FGF7: variants seen among roughly 807,000 people sequenced by gnomAD.
FGF7 encodes fibroblast growth factor 7, also known as FGF-7.
FGF7 carries 6 observed loss-of-function variants against 20.5 expected under a neutral mutation model. That is an observed-to-expected ratio of 0.29 (90% confidence interval 0.16 to 0.58). The LOEUF is 0.58. Ranked by LOEUF, FGF7 falls within the 20% of genes least tolerant of loss-of-function variation. The pLI, the probability that FGF7 is intolerant of heterozygous loss-of-function variation, is 0.90. For synonymous variants in FGF7, 64 were observed against 74.7 expected (o/e 0.86, Z 0.74); for missense variants, 144 against 228.8 (o/e 0.63, Z 2.39).
intron 2 of FGF7, among the ~76,000 whole-genome samples, chr15:49,468,697 T>C (rs369819150): frequency 1.2e-4 from 18 of 152,242 alleles, no homozygotes; most frequent in East Asian, 5.8e-4. Flanking sequence ...AATAAAGAAA[T>C]GTGGAGAAAG....
chr15:49,453,270 A>C (rs1178730424), intron 2 of FGF7, among the ~76,000 whole-genome samples: 1 of 151,976 alleles, frequency 6.6e-6, no homozygotes, highest in African/African-American at 2.4e-5. Flanking sequence ...TATTTTCATT[A>C]TTATTATTTT....
In FGF7 at chr15:49,464,934, T is replaced by C. The variant is rs1229313517; in HGVS notation, c.287-18217T>C. ...TACCTAAAAAACATTTTGGCTATCA[T>C]CTAGAATAATAAATGTTTATTAAGG... On this transcript the variant is annotated intron_variant, in intron 2 of 3. Coordinates refer to ENST00000267843, the MANE Select transcript of FGF7 (RefSeq NM_002009.4). 5.3e-5 allele frequency among the ~76,000 whole-genome samples: 8 copies of C among 152,292 alleles called. No homozygotes were observed. The East Asian group carries it at 1.5e-3, about 29-fold the overall frequency.
At chr15:49,455,946 A>G (rs1369155047) in intron 2 of FGF7, among the ~76,000 whole-genome samples, 1 of 152,062 alleles carries the variant, frequency 6.6e-6, no homozygotes, top group African/African-American at 2.4e-5. Context: ...AATGGGAACT[A>G]TGTTGTTTAG....
intron 2 of FGF7, among the ~76,000 whole-genome samples, chr15:49,479,606 T>G (rs1375701530): frequency 2.6e-5 from 2 of 77,126 alleles, no homozygotes; most frequent in Admixed American, 1.6e-4. Flanking sequence ...TCTGTTTTTT[T>G]TTTTTTTTTT....
chr15:49,483,885 A>T (rs1234676784), intron 3 of FGF7, among the ~76,000 whole-genome samples: 2 of 152,062 alleles, frequency 1.3e-5, no homozygotes, highest in African/African-American at 4.8e-5. Flanking sequence ...ATTGAAGACA[A>T]TGTAGAAGTA....
chr15:49,454,083 T>C (rs1024081558), intron 2 of FGF7, among the ~76,000 whole-genome samples: 4 of 152,148 alleles, frequency 2.6e-5, no homozygotes, highest in Non-Finnish European at 4.4e-5. Flanking sequence ...CAGACAGGCG[T>C]AGGTTTGAAA....
chr15:49,466,764 G>A (rs551495911), intron 2 of FGF7, among the ~76,000 whole-genome samples: 1 of 152,102 alleles, frequency 6.6e-6, no homozygotes, highest in South Asian at 2.1e-4. Context: ...AATTGTTTCT[G>A]GTAAGAGCTT....
At chr15:49,452,887 A>C (rs1460571587) in intron 2 of FGF7, among the ~76,000 whole-genome samples, 1 of 152,174 alleles carries the variant, frequency 6.6e-6, no homozygotes, top group East Asian at 1.9e-4. Flanking sequence ...AAGATGATAA[A>C]ACTAAATTTC....
rs182081937 is a variant in FGF7 at position 49,443,806 on chromosome 15, C to G, written c.286+19223C>G. 3.2e-3 allele frequency among the ~76,000 whole-genome samples: 486 copies of G among 151,788 alleles called. 2 individuals carry two copies. The highest frequency in any genetic ancestry group is 5.4e-3 in the Admixed American group (82 of 15,196). On this transcript the variant is annotated intron_variant, in intron 2 of 3. Coordinates refer to ENST00000267843, the MANE Select transcript of FGF7 (RefSeq NM_002009.4). ...CAGAGAAAAACAGAAATAGTGAAAG[C>G]ATTTTGTGAGTATTATATTTTATTA...
At chr15:49,460,645 A>G (rs1597345650) in intron 2 of FGF7, among the ~76,000 whole-genome samples, 1 of 152,202 alleles carries the variant, frequency 6.6e-6, no homozygotes, top group East Asian at 1.9e-4. Flanking sequence ...TTTAACCCAC[A>G]CACATTGTAT....
intron 2 of FGF7, among the ~76,000 whole-genome samples, chr15:49,459,968 A>G (rs2053646635): frequency 6.6e-6 from 1 of 152,158 alleles, no homozygotes; most frequent in Admixed American, 6.6e-5. Flanking sequence ...AAATATTTTT[A>G]TCCACCCACA....
In FGF7 at chr15:49,476,237, T is replaced by G. The variant is rs536269896; in HGVS notation, c.287-6914T>G. On this transcript the variant is annotated intron_variant, in intron 2 of 3. Coordinates refer to ENST00000267843, the MANE Select transcript of FGF7 (RefSeq NM_002009.4). Reference sequence around the variant, plus strand: ...GTTTTGTTTTTTTGTTTTTGGTTTTTTTTTTTTTGCATTTGGCATATACTG... The same window carrying G: ...GTTTTGTTTTTTTGTTTTTGGTTTTGTTTTTTTTGCATTTGGCATATACTG... Among the ~76,000 whole-genome samples, 14 of 149,408 alleles carry G rather than the reference T, an allele frequency of 9.4e-5. 1 individual carries two copies. The East Asian group carries it at 1.4e-3, about 15-fold the overall frequency.
chr15:49,441,814 G>T (rs997729519), intron 2 of FGF7, among the ~76,000 whole-genome samples: 4 of 150,808 alleles, frequency 2.7e-5, no homozygotes, highest in African/African-American at 9.7e-5. Flanking sequence ...TTATCTCATT[G>T]AATTCCTATC....
At chr15:49,448,429 T>G (rs546963615) in intron 2 of FGF7, among the ~76,000 whole-genome samples, 24 of 151,886 alleles carry the variant, frequency 1.6e-4, no homozygotes, top group Non-Finnish European at 2.5e-4. Flanking sequence ...GTATATTAAT[T>G]GTTCATTAAA....
Position 49,476,232 on chromosome 15 carries a change from G to GTTTTTTTTTTTTTTTTTTTTTTTTTTT in FGF7, c.287-6906_287-6905insTTTTTTTTTTTTTTTTTTTTTTTTTTT. Reference sequence around the variant, plus strand: ...TTGCTGTTTTGTTTTTTTGTTTTTGGTTTTTTTTTTTTTGCATTTGGCATA... The same window carrying GTTTTTTTTTTTTTTTTTTTTTTTTTTT: ...TTGCTGTTTTGTTTTTTTGTTTTTGGTTTTTTTTTTTTTTTTTTTTTTTTTTTTTTTTTTTTTTTTGCATTTGGCATA... On this transcript the variant is annotated intron_variant, in intron 2 of 3. Transcript: ENST00000267843. Among the ~76,000 whole-genome samples, 156 of 57,430 alleles carry GTTTTTTTTTTTTTTTTTTTTTTTTTTT rather than the reference G, an allele frequency of 2.7e-3. 24 individuals carry two copies. The highest frequency in any genetic ancestry group is 4.0e-3 in the Non-Finnish European group (111 of 27,454). 37.7% of individuals were successfully genotyped at this position (57,430 alleles called of 152,430 possible).
intron 2 of FGF7, among the ~76,000 whole-genome samples, chr15:49,439,156 T>C (rs1374269592): frequency 1.3e-5 from 2 of 151,614 alleles, no homozygotes; most frequent in Non-Finnish European, 3.0e-5. Context: ...GGCAGGCCTC[T>C]GTTTCTATCA....
intron 2 of FGF7, among the ~76,000 whole-genome samples, chr15:49,432,340 TCTAA>T (rs1233060877): frequency 1.3e-5 from 2 of 151,686 alleles, no homozygotes; most frequent in Non-Finnish European, 3.0e-5. Context: ...GCACAGCTTC[TCTAA>T]CTAACCTGCT....
At chr15:49,451,355 A>G (rs545276538) in intron 2 of FGF7, among the ~76,000 whole-genome samples, 1 of 152,054 alleles carries the variant, frequency 6.6e-6, no homozygotes, top group Admixed American at 6.6e-5. Flanking sequence ...TCATAATGAT[A>G]AAGTATTTTT....
chr15:49,438,231 C>T (rs1228196188), intron 2 of FGF7, among the ~76,000 whole-genome samples: 1 of 151,690 alleles, frequency 6.6e-6, no homozygotes, highest in Non-Finnish European at 1.5e-5. Context: ...ATAGTAGAAG[C>T]ACTAACTAAT....
Sources: gnomAD v4.1 joint callset for allele counts (sites outside exome capture counted in the v4.1 genomes callset) on GRCh38, gnomAD v4.1.1 for gene constraint, MANE v1.5 for transcripts, NCBI Gene and HGNC (gene_info 2026-07-23, HGNC 2026-07-21) for gene names.